TSG101: variants seen among roughly 807,000 people sequenced by gnomAD.
TSG101 encodes the protein tumor susceptibility gene 101 protein.
In TSG101, 19 loss-of-function variants were observed where a neutral mutation model predicts 48.5. The observed-to-expected ratio is 0.39, with a 90% CI of 0.27 to 0.58. The LOEUF is 0.58. Ranked by LOEUF, TSG101 falls within the 20% of genes least tolerant of loss-of-function variation. The pLI, the probability that TSG101 is intolerant of heterozygous loss-of-function variation, is 0.55. For missense variants in TSG101, 365 were observed against 484.4 expected (o/e 0.75, Z 2.31); for synonymous variants, 174 against 169.4 (o/e 1.03, Z -0.21).
intron 7 of TSG101, among the ~76,000 whole-genome samples, chr11:18,497,797 T>A (rs954271000): frequency 6.6e-6 from 1 of 152,196 alleles, no homozygotes; most frequent in Non-Finnish European, 1.5e-5. Flanking sequence ...ATCATTTCAT[T>A]ATATTGTAGT....
chr11:18,515,315 A>T (rs1850152972), intron 3 of TSG101, among the ~76,000 whole-genome samples: 1 of 152,208 alleles, frequency 6.6e-6, no homozygotes, highest in Non-Finnish European at 1.5e-5. Context: ...TTGTAGCCAC[A>T]GCTCCTATCC....
intron 5 of TSG101, chr11:18,507,552 A>C (rs1414039929): frequency 3.3e-5 from 5 of 152,244 alleles, no homozygotes; most frequent in Non-Finnish European, 7.3e-5. Context: ...TACATTCTTT[A>C]AAGAGAACGT....
At chr11:18,482,391 C>T (rs556748225) in intron 8 of TSG101, among the ~76,000 whole-genome samples, 50 of 152,252 alleles carry the variant, frequency 3.3e-4, no homozygotes, top group African/African-American at 1.2e-3. Flanking sequence ...TTGGCTACTT[C>T]GAGGCTCATT....
At position 18,502,489 on chromosome 11, in the gene TSG101, C is replaced by T. The variant is rs537917105; in HGVS notation, c.637G>A (p.Val213Ile). 19 of 1,612,382 alleles carry T rather than the reference C, an allele frequency of 1.2e-5. No individual in the cohort carries two copies. The South Asian group carries it at 2.1e-4, about 18-fold the overall frequency. Residue 213 changes from valine to isoleucine, a missense_variant, in exon 7 of 10, where the codon GTT becomes ATT. Val to Ile is a conservative substitution (Grantham distance 29). Coordinates refer to ENST00000251968, the MANE Select transcript of TSG101 (RefSeq NM_006292.4). Reference sequence around the variant, plus strand: ...ACAAGTTTTCAAGGGTACTTACCAACAGTGGTCACAGGAGGCTGAGAAGGG... The same window carrying T: ...ACAAGTTTTCAAGGGTACTTACCAATAGTGGTCACAGGAGGCTGAGAAGGG... ...QYPSQPPVTTVGPSRDGTISE... is the reference protein window; with the variant it reads ...QYPSQPPVTTIGPSRDGTISE...
intron 9 of TSG101, 45 bp downstream of exon 9, chr11:18,481,585 T>C (rs765407538): frequency 3.1e-6 from 5 of 1,593,512 alleles, no homozygotes; most frequent in Non-Finnish European, 4.3e-6. Context: ...TCAGTGCCTC[T>C]ACAACCCAAG....
At chr11:18,498,954 T>C (rs768825685) in intron 7 of TSG101, among the ~76,000 whole-genome samples, 3 of 151,964 alleles carry the variant, frequency 2.0e-5, no homozygotes, top group Admixed American at 6.6e-5. Flanking sequence ...ATGCTGCTGA[T>C]AGGACAAGTA....
intron 1 of TSG101, 43 bp from the exon 2 acceptor site, chr11:18,519,646 C>A: frequency 7.1e-7 from 1 of 1,405,032 alleles, no homozygotes; most frequent in Non-Finnish European, 9.9e-7. Flanking sequence ...AAAACCAATG[C>A]ATATATTTTA....
chr11:18,514,869 C>G, intron 3 of TSG101, 28 bp from the exon 4 acceptor site: 1 of 1,511,280 alleles, frequency 6.6e-7, no homozygotes, highest in East Asian at 2.6e-5. Flanking sequence ...ACTTCAGTTA[C>G]TCTATTTTTA....
chr11:18,507,340 C>T (rs1254129619), intron 5 of TSG101, among the ~76,000 whole-genome samples: 2 of 152,180 alleles, frequency 1.3e-5, no homozygotes, highest in African/African-American at 2.4e-5. Flanking sequence ...ATTAGCACAG[C>T]TGATTTTGTT....
intron 5 of TSG101, 123 bp from the exon 6 acceptor site, chr11:18,507,046 C>T (rs563083866): frequency 3.5e-6 from 2 of 579,174 alleles, no homozygotes; most frequent in East Asian, 6.1e-5. Flanking sequence ...AAATCCAAAT[C>T]TCAGCACCAA....
intron 7 of TSG101, among the ~76,000 whole-genome samples, chr11:18,486,822 T>C (rs1849626941): frequency 6.6e-6 from 1 of 152,168 alleles, no homozygotes; most frequent in Non-Finnish European, 1.5e-5. Context: ...TGCACACATA[T>C]GTTTATTGCA....
intron 6 of TSG101, among the ~76,000 whole-genome samples, chr11:18,504,036 T>C (rs998502202): frequency 7.9e-5 from 12 of 151,764 alleles, no homozygotes; most frequent in Non-Finnish European, 1.2e-4. Flanking sequence ...AAACCATTTC[T>C]ACAAAAATAG....
At chr11:18,482,130 C>G (rs1392495772) in intron 8 of TSG101, among the ~76,000 whole-genome samples, 1 of 152,200 alleles carries the variant, frequency 6.6e-6, no homozygotes, top group Non-Finnish European at 1.5e-5. Context: ...CTGTCAGCGA[C>G]AAATGATACT....
chr11:18,481,917 C>G (rs985506410), intron 8 of TSG101, 48 bp from the exon 9 acceptor site: 2 of 1,594,940 alleles, frequency 1.3e-6, no homozygotes, highest in Non-Finnish European at 1.7e-6. Context: ...TAATTATCCA[C>G]TTGTCAGACA....
chr11:18,497,603 T>A (rs1849803828), intron 7 of TSG101, among the ~76,000 whole-genome samples: 1 of 152,224 alleles, frequency 6.6e-6, no homozygotes, highest in Non-Finnish European at 1.5e-5. Flanking sequence ...AAAAAAGATC[T>A]TTGTAAACTA....
In TSG101 at chr11:18,480,470, A is replaced by G. The variant is rs1849510934; in HGVS notation, c.*76T>C. 1.8e-6 allele frequency: 2 copies of G among 1,134,810 alleles called. No homozygotes were observed. Among genetic ancestry groups the G allele is most frequent in the Non-Finnish European group, 1.3e-6 (1 of 779,850 alleles). 70.3% of individuals were successfully genotyped at this position (1,134,810 alleles called of 1,614,324 possible). On this transcript the variant is annotated 3_prime_UTR_variant, in exon 10 of 10. Coordinates refer to ENST00000251968, the MANE Select transcript of TSG101 (RefSeq NM_006292.4). ...CTTGAATGATAAACTGCAATAACTT[A>G]TTCTGGGCACCTACTGATAAAAGGA...
chr11:18,522,543 G>C (rs963036962), intron 1 of TSG101, among the ~76,000 whole-genome samples: 1 of 152,194 alleles, frequency 6.6e-6, no homozygotes, highest in Non-Finnish European at 1.5e-5. Flanking sequence ...CTCTCACCTA[G>C]ATTACTGCAA....
At chr11:18,509,301 T>A (rs1282884069) in intron 5 of TSG101, among the ~76,000 whole-genome samples, 1 of 152,192 alleles carries the variant, frequency 6.6e-6, no homozygotes, top group African/African-American at 2.4e-5. Flanking sequence ...CTACACTTTC[T>A]CCTCCATTTT....
At chr11:18,520,469 C>T (rs551529954) in intron 1 of TSG101, among the ~76,000 whole-genome samples, 1 of 152,302 alleles carries the variant, frequency 6.6e-6, no homozygotes, top group South Asian at 2.1e-4. Flanking sequence ...AAGCAATCCT[C>T]CTGCCTCAGG....
Sources: gnomAD v4.1 joint callset for allele counts (sites outside exome capture counted in the v4.1 genomes callset) on GRCh38, gnomAD v4.1.1 for gene constraint, MANE v1.5 for transcripts, NCBI Gene and HGNC (gene_info 2026-07-23, HGNC 2026-07-21) for gene names.